Variants in CFAP69 observed in about 807,000 individuals in gnomAD.
The protein encoded by CFAP69 is cilia- and flagella-associated protein 69.
A neutral mutation model predicts 123.0 loss-of-function variants in CFAP69; 92 were observed. The observed-to-expected ratio is 0.75, with a 90% CI of 0.63 to 0.89. The LOEUF (loss-of-function observed/expected upper bound fraction) is 0.89, where lower values mean the gene tolerates loss of function less well. CFAP69 is among the 40% of genes least tolerant of loss of function. CFAP69 has a pLI of 0.00. For missense variants in CFAP69, 1,067 were observed against 1,096.9 expected, an observed-to-expected ratio of 0.97 and a Z score of 0.39; for synonymous variants, 380 against 364.3, an observed-to-expected ratio of 1.04 and a Z score of -0.49.
Position 90,245,554 on chromosome 7 carries a change from G to C in CFAP69, c.120+10G>C. On this transcript the variant is annotated intron_variant, in intron 1 of 22. Transcript: ENST00000389297. ...GGACGATGAGGCGCAGGTATGAGCA[G>C]GTGTCTGTGCTTTCAGAGGTGGAGG... 1 of 1,481,392 alleles carries C rather than the reference G, an allele frequency of 6.8e-7. No individual in the cohort carries two copies. The highest frequency in any genetic ancestry group is 9.0e-7 in the Non-Finnish European group (1 of 1,116,580). 91.8% of individuals were successfully genotyped at this position (1,481,392 alleles called of 1,614,324 possible). A position where few individuals can be genotyped will look rare whatever the true frequency, so the allele number is the denominator to read the frequency against.
In CFAP69 at chr7:90,310,208, G is replaced by A. The variant is rs1794172269; in HGVS notation, c.2796G>A (p.Val932=). The change falls in exon 23 of 23, where the codon GTG becomes GTA. Residue 932 remains valine, a synonymous_variant. Transcript: ENST00000389297. ...AGAGGGTGAAAGCAGTTAAAATTGTGGATGCACCAAAAAAGAGTATTCCTA... is the reference window on the plus strand; with the variant it reads ...AGAGGGTGAAAGCAGTTAAAATTGTAGATGCACCAAAAAAGAGTATTCCTA... ...ALQRVKAVKI[V]DAPKKSIPT is the part of the protein sequence containing the mutation. 1.9e-6 allele frequency: 3 copies of A among 1,612,922 alleles called. No individual in the cohort carries two copies. Among genetic ancestry groups the A allele is most frequent in the Non-Finnish European group, 2.5e-6 (3 of 1,179,474 alleles).
At chr7:90,247,534 C>T (rs1007105320) in intron 1 of CFAP69, among the ~76,000 whole-genome samples, 1 of 152,180 alleles carries the variant, frequency 6.6e-6, no homozygotes, top group Middle Eastern at 3.4e-3. Flanking sequence ...TACTCATGTC[C>T]ATTGTAAAGA....
In CFAP69 at chr7:90,277,240, G is replaced by A; in HGVS notation, c.1061G>A (p.Gly354Glu). ...EVKSQNLLVK[G>E]LKLSNSYEDF... The stretch of plus-strand genomic sequence containing the variant: ...AAAAGTCAAAATCTTTTGGTAAAAG[G>A]ACTTAAGCTTTCTAATTCCTATGAA... Residue 354 changes from glycine to glutamate, a missense_variant, in exon 11 of 23, where the codon GGA becomes GAA. Physicochemically the swap from Gly to Glu is moderately conservative, Grantham distance 98 (BLOSUM62 -2). Coordinates refer to ENST00000389297, the MANE Select transcript of CFAP69 (RefSeq NM_001039706.3). The A allele has an allele frequency of 1.3e-6, 2 of 1,590,768 alleles. No individual in the cohort carries two copies. Among genetic ancestry groups the A allele is most frequent in the Non-Finnish European group, 8.5e-7 (1 of 1,172,010 alleles).
intron 17 of CFAP69, chr7:90,300,649 T>C (rs1207949953): frequency 3.1e-5 from 8 of 254,938 alleles, no homozygotes; most frequent in African/African-American, 1.4e-4. Context: ...TTTTTCTTTT[T>C]TTTTTCTTTT....
At chr7:90,281,362 C>T (rs1264229374) in intron 12 of CFAP69, among the ~76,000 whole-genome samples, 2 of 151,634 alleles carry the variant, frequency 1.3e-5, no homozygotes, top group Non-Finnish European at 2.9e-5. Context: ...TTAAAGAAAG[C>T]ATAGCATAAA....
chr7:90,282,139 G>A (rs1789579597), intron 12 of CFAP69, among the ~76,000 whole-genome samples: 1 of 151,762 alleles, frequency 6.6e-6, no homozygotes, highest in East Asian at 1.9e-4. Context: ...GATCACTTGA[G>A]GCCAGAAGTT....
At chr7:90,250,583 G>T (rs11563376) in intron 1 of CFAP69, among the ~76,000 whole-genome samples, 3,006 of 152,268 alleles carry the variant, frequency 0.02, 99 homozygotes, top group East Asian at 0.11. Context: ...AAGTCTGATT[G>T]TCTTCAAAGC....
At chr7:90,278,392 A>G (rs999447822) in intron 11 of CFAP69, among the ~76,000 whole-genome samples, 1 of 152,154 alleles carries the variant, frequency 6.6e-6, no homozygotes, top group African/African-American at 2.4e-5. Flanking sequence ...GCTCAGGAAA[A>G]GAAAAGTTGT....
intron 4 of CFAP69, among the ~76,000 whole-genome samples, chr7:90,262,423 A>G (rs1798456738): frequency 6.6e-6 from 1 of 152,152 alleles, no homozygotes; most frequent in Non-Finnish European, 1.5e-5. Context: ...AGAAAATTTG[A>G]GTCTCAAAGA....
chr7:90,286,540 A>G (rs1356463978), intron 14 of CFAP69, 141 bp downstream of exon 14: 2 of 833,124 alleles, frequency 2.4e-6, no homozygotes, highest in East Asian at 5.7e-5. Flanking sequence ...TATATAAAGT[A>G]AAAGGTACAG....
intron 1 of CFAP69, among the ~76,000 whole-genome samples, chr7:90,246,303 C>A (rs1424508790): frequency 6.6e-6 from 1 of 152,100 alleles, no homozygotes; most frequent in Non-Finnish European, 1.5e-5. Context: ...TCCATTGATC[C>A]CCCAGAGAGC....
chr7:90,275,118 TC>T (rs1180610491), intron 9 of CFAP69, among the ~76,000 whole-genome samples: 11 of 152,200 alleles, frequency 7.2e-5, no homozygotes, highest in Non-Finnish European at 8.8e-5. Flanking sequence ...GTTAATCTCA[TC>T]CAGTGCATTT....
chr7:90,286,408 G>C lies in CFAP69; in HGVS notation c.1656+9G>C. ...ATCACATTCAAAGGAAGGTATGTAT[G>C]CCTGTGAAAGTTTTGTTCAGGTCTC... is the stretch of plus-strand genomic sequence containing the variant. On this transcript the variant is annotated intron_variant, in intron 14 of 22. Coordinates refer to ENST00000389297, the MANE Select transcript of CFAP69 (RefSeq NM_001039706.3). The C allele has an allele frequency of 1.9e-6, 3 of 1,609,266 alleles. No individual in the cohort carries two copies. The highest frequency in any genetic ancestry group is 2.5e-6 in the Non-Finnish European group (3 of 1,178,426).
At chr7:90,313,650 C>A (rs1417405113), downstream of CFAP69, among the ~76,000 whole-genome samples, 4 of 151,434 alleles carry the variant, frequency 2.6e-5, no homozygotes, top group Non-Finnish European at 4.4e-5. Flanking sequence ...GGATTATAAA[C>A]CAAAGTATAA....
intron 1 of CFAP69, chr7:90,251,969 GT>G (rs1331282100): frequency 4.6e-5 from 7 of 152,154 alleles, no homozygotes; most frequent in Admixed American, 2.0e-4. Context: ...ATTACAGCTA[GT>G]TACGGATTTC....
chr7:90,246,674 A>T (rs1192822986), intron 1 of CFAP69, among the ~76,000 whole-genome samples: 1 of 152,248 alleles, frequency 6.6e-6, no homozygotes, highest in African/African-American at 2.4e-5. Flanking sequence ...CCTGGGCTGC[A>T]AGAAAGATCA....
intron 9 of CFAP69, 99 bp from the exon 10 acceptor site, chr7:90,276,974 G>T (rs1042875107): frequency 2.3e-6 from 2 of 853,330 alleles, no homozygotes; most frequent in Non-Finnish European, 1.7e-6. Flanking sequence ...GACAGTAGGA[G>T]AATTTGATAA....
downstream of CFAP69, among the ~76,000 whole-genome samples, chr7:90,313,709 G>C (rs1194038150): frequency 2.8e-5 from 1 of 35,774 alleles, no homozygotes; most frequent in Non-Finnish European, 8.4e-5. Flanking sequence ...TGAAAGGAAG[G>C]GAAAAAAGGA....
chr7:90,300,206 CTAAG>C lies in CFAP69; in HGVS notation c.2050+149_2050+152del, dbSNP rs370743485. On this transcript the variant is annotated intron_variant, in intron 17 of 22. Transcript: ENST00000389297. ...ACAAGGGTTTGAAAAATTTGCTATC[CTAAG>C]TGACTGGAAGAAAACTAAGTAAATT... is the stretch of plus-strand genomic sequence containing the variant. 3.4e-3 allele frequency: 3,904 copies of C among 1,163,420 alleles called. 35 individuals are homozygous for C. The highest frequency in any genetic ancestry group is 0.033 in the South Asian group (786 of 23,728). 72.1% of individuals were successfully genotyped at this position (1,163,420 alleles called of 1,614,324 possible). A position where few individuals can be genotyped will look rare whatever the true frequency, so the allele number is the denominator to read the frequency against.
Sources: gnomAD v4.1 joint callset for allele counts (sites outside exome capture counted in the v4.1 genomes callset) on GRCh38, gnomAD v4.1.1 for gene constraint, MANE v1.5 for transcripts, NCBI Gene and HGNC (gene_info 2026-07-23, HGNC 2026-07-21) for gene names.